TPST1: variants seen among roughly 807,000 people sequenced by gnomAD.
TPST1 encodes tyrosylprotein sulfotransferase 1.
In TPST1, 20 loss-of-function variants were observed where a neutral mutation model predicts 34.8. That is an observed-to-expected ratio of 0.57 (90% CI 0.40 to 0.84). The LOEUF (loss-of-function observed/expected upper bound fraction) is 0.84. TPST1 is among the 40% of genes least tolerant of loss of function. TPST1 has a pLI of 0.00. For synonymous variants in TPST1, 152 were observed against 159.4 expected, an observed-to-expected ratio of 0.95 and a Z score of 0.35; for missense variants, 353 against 455.5, an observed-to-expected ratio of 0.78 and a Z score of 2.05.
At chr7:66,210,141 G>A (rs10256544) in intron 1 of TPST1, among the ~76,000 whole-genome samples, 97,863 of 151,974 alleles carry the variant, frequency 0.64, 31,963 homozygotes, top group African/African-American at 0.74. Context: ...AATTTGTGGA[G>A]TAAGGAGAAC....
At chr7:66,334,507 G>C (rs911280696) in intron 3 of TPST1, among the ~76,000 whole-genome samples, 10 of 151,822 alleles carry the variant, frequency 6.6e-5, no homozygotes, top group African/African-American at 2.2e-4. Flanking sequence ...ATGGTGGTGG[G>C]TGCCTGTAAT....
At chr7:66,326,150 G>A (rs1029623879) in intron 3 of TPST1, among the ~76,000 whole-genome samples, 4 of 152,156 alleles carry the variant, frequency 2.6e-5, no homozygotes, top group Admixed American at 2.6e-4. Flanking sequence ...AAATGGAGAT[G>A]ACTATGAAAG....
At chr7:66,275,118 C>CGG (rs1456052065) in intron 2 of TPST1, among the ~76,000 whole-genome samples, 4 of 151,976 alleles carry the variant, frequency 2.6e-5, no homozygotes, top group Admixed American at 6.6e-5. Flanking sequence ...GGCGTGAACC[C>CGG]GGGAGGCAGA....
intron 2 of TPST1, among the ~76,000 whole-genome samples, chr7:66,262,076 A>G (rs1790500150): frequency 6.6e-6 from 1 of 152,134 alleles, no homozygotes; most frequent in African/African-American, 2.4e-5. Flanking sequence ...CTGGAGTAAT[A>G]GTATTGCTGT....
chr7:66,238,249 G>T (rs1313769164), intron 1 of TPST1, among the ~76,000 whole-genome samples: 1 of 152,064 alleles, frequency 6.6e-6, no homozygotes, highest in African/African-American at 2.4e-5. Flanking sequence ...GTGGAGGCCT[G>T]GGGAGTTTCT....
At chr7:66,209,489 G>A (rs1446834174) in intron 1 of TPST1, among the ~76,000 whole-genome samples, 1 of 152,146 alleles carries the variant, frequency 6.6e-6, no homozygotes, top group African/African-American at 2.4e-5. Flanking sequence ...CCCATCTCAG[G>A]CTTTGTGTCT....
chr7:66,200,667 G>A (rs1033440581), upstream of TPST1, among the ~76,000 whole-genome samples: 1 of 151,988 alleles, frequency 6.6e-6, no homozygotes, highest in Non-Finnish European at 1.5e-5. Context: ...TGATCCATCC[G>A]CTTCGGCCTC....
At chr7:66,303,155 T>C (rs1453199332) in intron 3 of TPST1, among the ~76,000 whole-genome samples, 1 of 152,238 alleles carries the variant, frequency 6.6e-6, no homozygotes, top group East Asian at 1.9e-4. Flanking sequence ...TATTATATGC[T>C]GCTGCTTTTA....
At chr7:66,345,418 G>A (rs767587374) in intron 3 of TPST1, among the ~76,000 whole-genome samples, 21 of 145,582 alleles carry the variant, frequency 1.4e-4, no homozygotes, top group Non-Finnish European at 2.2e-4. Context: ...GCTTGAACCT[G>A]GGAGGCAGAG....
chr7:66,305,370 G>A (rs1022524534), intron 3 of TPST1, among the ~76,000 whole-genome samples: 10 of 152,066 alleles, frequency 6.6e-5, no homozygotes, highest in Non-Finnish European at 1.3e-4. Context: ...GCCTGGTGGG[G>A]TGGCCTAAAC....
intron 2 of TPST1, among the ~76,000 whole-genome samples, chr7:66,247,444 A>G (rs948581755): frequency 6.6e-6 from 1 of 151,700 alleles, no homozygotes; most frequent in Admixed American, 6.6e-5. Flanking sequence ...ACAACAACAA[A>G]GAACTATGGA....
intron 3 of TPST1, among the ~76,000 whole-genome samples, chr7:66,335,991 G>T (rs1248045976): frequency 1.3e-5 from 2 of 152,342 alleles, no homozygotes; most frequent in East Asian, 3.9e-4. Context: ...GTCAGACAGA[G>T]AATTCAGAAT....
At chr7:66,306,198 C>T (rs1268252275) in intron 3 of TPST1, among the ~76,000 whole-genome samples, 2 of 152,142 alleles carry the variant, frequency 1.3e-5, no homozygotes, top group African/African-American at 4.8e-5. Context: ...ACTCTGGGTT[C>T]CTTTATAATA....
upstream of TPST1, among the ~76,000 whole-genome samples, chr7:66,202,573 T>C (rs1051553833): frequency 2.0e-5 from 3 of 152,162 alleles, no homozygotes; most frequent in Admixed American, 1.3e-4. Flanking sequence ...CATCTCTACT[T>C]TGTGGAAAGA....
chr7:66,205,166 C>A (rs1789097351), upstream of TPST1: 1 of 152,290 alleles, frequency 6.6e-6, no homozygotes, highest in African/African-American at 2.4e-5. The surrounding 1 kb of genome is among the most constrained non-coding windows in gnomAD (Gnocchi z 5.0). Context: ...CCCCTCGGCG[C>A]CTGCCGGACC....
intron 1 of TPST1, among the ~76,000 whole-genome samples, chr7:66,217,517 A>G (rs947205380): frequency 6.6e-5 from 10 of 152,262 alleles, no homozygotes; most frequent in South Asian, 6.2e-4. Context: ...TGCTGTTTGC[A>G]TGATATATCT....
chr7:66,248,439 T>A (rs1250864515), intron 2 of TPST1, among the ~76,000 whole-genome samples: 2 of 152,050 alleles, frequency 1.3e-5, no homozygotes, highest in African/African-American at 4.8e-5. Flanking sequence ...GATTGTAATG[T>A]GTAAAATTTA....
intron 2 of TPST1, among the ~76,000 whole-genome samples, chr7:66,261,905 T>A (rs1790496780): frequency 6.6e-6 from 1 of 152,206 alleles, no homozygotes; most frequent in South Asian, 2.1e-4. Flanking sequence ...GTGTTAGCTC[T>A]TATTATTTTT....
At chr7:66,207,744 C>T (rs541242798) in intron 1 of TPST1, among the ~76,000 whole-genome samples, 4 of 152,274 alleles carry the variant, frequency 2.6e-5, no homozygotes, top group African/African-American at 9.6e-5. Flanking sequence ...TTTTCATCTG[C>T]CTACTGCATA....
Sources: allele counts gnomAD v4.1 joint callset (sites outside exome capture counted in the v4.1 genomes callset), GRCh38; gene constraint gnomAD v4.1.1; non-coding constraint Gnocchi (gnomAD v3.1); transcripts MANE v1.5; gene names NCBI Gene and HGNC (gene_info 2026-07-23, HGNC 2026-07-21).